Variants in KCNMA1 observed in about 807,000 individuals in gnomAD.
The protein encoded by KCNMA1 is potassium calcium-activated channel subfamily M alpha 1.
KCNMA1 carries 29 observed loss-of-function variants against 140.0 expected under a neutral mutation model. That is an observed-to-expected ratio of 0.21 (90% CI 0.15 to 0.28). The LOEUF (loss-of-function observed/expected upper bound fraction) is 0.28. KCNMA1 is among the 10% of genes least tolerant of loss of function. KCNMA1 has a pLI of 1.00. For missense variants in KCNMA1, 880 were observed against 1,602.2 expected, an observed-to-expected ratio of 0.55 and a Z score of 7.70; for synonymous variants, 612 against 611.9, an observed-to-expected ratio of 1.00 and a Z score of 0.00.
intron 1 of KCNMA1, among the ~76,000 whole-genome samples, chr10:77,544,150 CTGTGTGTGTGTGTGTGTG>C (rs35370605): frequency 1.4e-5 from 2 of 142,458 alleles, no homozygotes; most frequent in Admixed American, 7.0e-5. Context: ...ATCTTTCCAG[CTGTGTGTGTGTGTGTGTG>C]TGTGTGTGTG....
intron 2 of KCNMA1, among the ~76,000 whole-genome samples, chr10:77,382,994 G>GTATATATATATATA (rs544257955): frequency 6.5e-4 from 30 of 46,424 alleles, no homozygotes; most frequent in African/African-American, 2.8e-3. Flanking sequence ...GTGTGTGTGT[G>GTATATATATATATA]TATATATATA....
intron 18 of KCNMA1, among the ~76,000 whole-genome samples, chr10:77,007,567 T>TCTCTA (rs2087812143): frequency 6.6e-6 from 1 of 151,104 alleles, no homozygotes; most frequent in Non-Finnish European, 1.5e-5. Context: ...CTATGGAATA[T>TCTCTA]CTCTACTCTT....
intron 1 of KCNMA1, among the ~76,000 whole-genome samples, chr10:77,554,165 G>A (rs533753494): frequency 6.6e-6 from 1 of 152,272 alleles, no homozygotes; most frequent in Admixed American, 6.5e-5. Context: ...CTATGGGCAG[G>A]TCTGCTGTGT....
rs543985288 is a variant in KCNMA1 at position 76,965,536 on chromosome 10, C to T, written c.2360+4438G>A. 5.3e-5 allele frequency among the ~76,000 whole-genome samples: 8 copies of T among 152,300 alleles called. 2 individuals carry two copies. Among genetic ancestry groups the T allele is most frequent in the African/African-American group, 1.7e-4 (7 of 41,562 alleles). ...AAAACCTTCAGGGGTTCCCTAATGC[C>T]TATGACAAGCAAAACCTTCATGACT... On this transcript the variant is annotated intron_variant, in intron 20 of 27. Coordinates refer to ENST00000286628, the MANE Select transcript of KCNMA1 (RefSeq NM_001161352.2).
At chr10:77,344,383 G>A (rs1305352380) in intron 2 of KCNMA1, among the ~76,000 whole-genome samples, 2 of 152,150 alleles carry the variant, frequency 1.3e-5, no homozygotes, top group African/African-American at 4.8e-5. Context: ...AGGTGAAAAG[G>A]AGGATTAATC....
chr10:77,066,801 C>T (rs1043409454), intron 14 of KCNMA1, among the ~76,000 whole-genome samples: 1 of 152,136 alleles, frequency 6.6e-6, no homozygotes, highest in Non-Finnish European at 1.5e-5. Flanking sequence ...ATCTAATTTC[C>T]ACCATGTGGG....
At chr10:77,272,846 A>G (rs1197282937) in intron 2 of KCNMA1, among the ~76,000 whole-genome samples, 7 of 152,206 alleles carry the variant, frequency 4.6e-5, no homozygotes, top group Non-Finnish European at 4.4e-5. Flanking sequence ...CCAGGGGTAC[A>G]GCACACTACA....
chr10:77,118,143 C>T (rs985175886), intron 6 of KCNMA1, among the ~76,000 whole-genome samples: 1 of 152,192 alleles, frequency 6.6e-6, no homozygotes, highest in Admixed American at 6.5e-5. Flanking sequence ...AGGAATTCAC[C>T]GCCAAAGAGA....
chr10:76,916,017 AACACACAC>A (rs71649417), intron 23 of KCNMA1, among the ~76,000 whole-genome samples: 4 of 146,218 alleles, frequency 2.7e-5, no homozygotes, highest in South Asian at 2.2e-4. Context: ...TATACACATA[AACACACAC>A]ACACACACAC....
chr10:77,435,380 T>C (rs749818535), intron 1 of KCNMA1, among the ~76,000 whole-genome samples: 80 of 152,168 alleles, frequency 5.3e-4, no homozygotes, highest in Non-Finnish European at 9.0e-4. Context: ...AACCAGGGTA[T>C]GAAATTCTAG....
chr10:77,576,551 C>A (rs1033442245), intron 1 of KCNMA1, among the ~76,000 whole-genome samples: 6 of 152,192 alleles, frequency 3.9e-5, no homozygotes, highest in African/African-American at 7.2e-5. Context: ...AGACGTGCTT[C>A]CTAAGTGTCC....
chr10:77,390,295 T>C lies in KCNMA1; in HGVS notation c.540+13567A>G, dbSNP rs185596782. 3.3e-5 allele frequency among the ~76,000 whole-genome samples: 5 copies of C among 152,328 alleles called. No individual in the cohort carries two copies. The East Asian group carries it at 9.7e-4, about 29-fold the overall frequency. On this transcript the variant is annotated intron_variant, in intron 2 of 27. Transcript: ENST00000286628. ...TTGCAGCTCCTCAGATAAAAGTAAG[T>C]GACTTGCCTCTCTTCTCCCATATCC...
intron 1 of KCNMA1, among the ~76,000 whole-genome samples, chr10:77,588,128 A>T (rs2077820532): frequency 6.6e-6 from 1 of 152,232 alleles, no homozygotes; most frequent in Non-Finnish European, 1.5e-5. Context: ...AGCCACAAAG[A>T]TTAAAAATTT....
intron 3 of KCNMA1, among the ~76,000 whole-genome samples, chr10:77,234,805 A>T (rs2054829912): frequency 6.6e-6 from 1 of 152,224 alleles, no homozygotes; most frequent in African/African-American, 2.4e-5. Flanking sequence ...CAAATGACAG[A>T]GTTGGGATTT....
At chr10:76,922,661 G>A (rs1453166229) in intron 23 of KCNMA1, among the ~76,000 whole-genome samples, 1 of 152,222 alleles carries the variant, frequency 6.6e-6, no homozygotes, top group African/African-American at 2.4e-5. Context: ...TGGGGTGAAT[G>A]AAAACAGGGC....
intron 1 of KCNMA1, among the ~76,000 whole-genome samples, chr10:77,511,247 G>A: frequency 6.6e-6 from 1 of 152,194 alleles, no homozygotes; most frequent in Non-Finnish European, 1.5e-5. Flanking sequence ...TGTTGACCCA[G>A]GGACCCCATT....
At chr10:77,478,342 G>T (rs1456258127) in intron 1 of KCNMA1, among the ~76,000 whole-genome samples, 1 of 152,152 alleles carries the variant, frequency 6.6e-6, no homozygotes, top group Admixed American at 6.5e-5. Flanking sequence ...GCAGATGAAC[G>T]CTCTGCTCAT....
chr10:77,040,677 T>C (rs1166373343), intron 14 of KCNMA1, among the ~76,000 whole-genome samples: 1 of 152,182 alleles, frequency 6.6e-6, no homozygotes, highest in Non-Finnish European at 1.5e-5. Context: ...TAGATTCCTG[T>C]ATTGTCTGAA....
At chr10:77,363,417 A>G (rs1209787680) in intron 2 of KCNMA1, among the ~76,000 whole-genome samples, 3 of 152,182 alleles carry the variant, frequency 2.0e-5, no homozygotes, top group Non-Finnish European at 4.4e-5. Context: ...AGGACACTCA[A>G]TGCCACTCCT....
Sources: gnomAD v4.1 joint callset for allele counts (sites outside exome capture counted in the v4.1 genomes callset) on GRCh38, gnomAD v4.1.1 for gene constraint, MANE v1.5 for transcripts, NCBI Gene and HGNC (gene_info 2026-07-23, HGNC 2026-07-21) for gene names.